Variants in KLHL29 observed in about 807,000 individuals in gnomAD.
The protein encoded by KLHL29 is kelch like family member 29.
KLHL29 carries 21 observed loss-of-function variants against 80.4 expected under a neutral mutation model. That is an observed-to-expected ratio of 0.26 (90% CI 0.19 to 0.38). The LOEUF is 0.38. Ranked by LOEUF, KLHL29 falls within the 10% of genes least tolerant of loss-of-function variation. The pLI, the probability that KLHL29 is intolerant of heterozygous loss-of-function variation, is 1.00. For missense variants in KLHL29, 867 were observed against 1,223.9 expected (o/e 0.71, Z 4.35); for synonymous variants, 511 against 526.8 (o/e 0.97, Z 0.41).
chr2:23,395,961 A>G (rs1666443667), intron 1 of KLHL29, among the ~76,000 whole-genome samples: 1 of 152,186 alleles, frequency 6.6e-6, no homozygotes, highest in Non-Finnish European at 1.5e-5. Flanking sequence ...TGGTGATGTA[A>G]ACAAAAACCC....
At chr2:23,517,355 C>T (rs1176212007) in intron 2 of KLHL29, among the ~76,000 whole-genome samples, 2 of 152,130 alleles carry the variant, frequency 1.3e-5, no homozygotes, top group African/African-American at 4.8e-5. Context: ...CCATCCTGGC[C>T]AACATGGTGA....
intron 3 of KLHL29, among the ~76,000 whole-genome samples, chr2:23,604,591 C>T (rs1332943360): frequency 6.6e-6 from 1 of 152,186 alleles, no homozygotes; most frequent in Non-Finnish European, 1.5e-5. Flanking sequence ...GCTTTTCCTT[C>T]TGGTTCTGAC....
intron 2 of KLHL29, among the ~76,000 whole-genome samples, chr2:23,537,079 C>T (rs757374517): frequency 5.9e-5 from 9 of 152,254 alleles, no homozygotes; most frequent in Admixed American, 3.3e-4. Context: ...TCTGGTCCCA[C>T]GCCACCTTGC....
rs779827385 is a variant in KLHL29 at position 23,642,764 on chromosome 2, C to T, written c.854C>T (p.Pro285Leu). ...PSGAPATNGP[P>L]TTDSAHGLQM... ...GGTGCCCCTGCCACCAATGGGCCCC[C>T]CACAACCGACTCGGCCCACGGGCTG... Residue 285 changes from proline to leucine, a missense_variant, in exon 5 of 14, where the codon CCC becomes CTC. This residue lies in a region of KLHL29 where 424 missense variants were observed against 456.9 expected (regional missense o/e 0.93). Coordinates refer to ENST00000486442, the MANE Select transcript of KLHL29 (RefSeq NM_052920.2). 2 of 1,550,404 alleles carry T rather than the reference C, an allele frequency of 1.3e-6. No individual in the cohort carries two copies. The highest frequency in any genetic ancestry group is 1.7e-4 in the Middle Eastern group (1 of 5,992).
At chr2:23,422,610 G>T (rs1662851365) in intron 1 of KLHL29, among the ~76,000 whole-genome samples, 1 of 151,808 alleles carries the variant, frequency 6.6e-6, no homozygotes, top group African/African-American at 2.4e-5. Context: ...TTGTGTGCCT[G>T]TGTGTGTGTC....
intron 2 of KLHL29, among the ~76,000 whole-genome samples, chr2:23,476,799 A>G (rs1198601584): frequency 6.6e-6 from 1 of 152,276 alleles, no homozygotes; most frequent in Non-Finnish European, 1.5e-5. Flanking sequence ...AAGCAGGATC[A>G]GGCAGCCAGA....
intron 3 of KLHL29, among the ~76,000 whole-genome samples, chr2:23,581,248 T>C (rs1341469560): frequency 1.3e-5 from 2 of 152,212 alleles, no homozygotes; most frequent in Non-Finnish European, 2.9e-5. Context: ...ATGTATATGA[T>C]TGGTCCTCCT....
chr2:23,553,383 C>T (rs1231179856), intron 2 of KLHL29, among the ~76,000 whole-genome samples: 1 of 152,216 alleles, frequency 6.6e-6, no homozygotes, highest in Non-Finnish European at 1.5e-5. Context: ...CCTTAGGTTC[C>T]TCATCCTAGA....
At chr2:23,637,305 C>T (rs374275142) in intron 3 of KLHL29, among the ~76,000 whole-genome samples, 2 of 152,198 alleles carry the variant, frequency 1.3e-5, no homozygotes, top group East Asian at 1.9e-4. Flanking sequence ...ACAGGGCACT[C>T]GTTAAAAGCT....
rs1671075717 is a variant in KLHL29 at position 23,681,223 on chromosome 2, A to C, written c.941-3176A>C. Among the ~76,000 whole-genome samples the C allele has an allele frequency of 6.6e-6, 1 of 152,252 alleles. No individual in the cohort carries two copies. The highest frequency in any genetic ancestry group is 1.5e-5 in the Non-Finnish European group (1 of 68,044). On this transcript the variant is annotated intron_variant, in intron 5 of 13. Coordinates refer to ENST00000486442, the MANE Select transcript of KLHL29 (RefSeq NM_052920.2). This position sits in a 1 kb window ranked among gnomAD's most constrained non-coding sequence, Gnocchi z 4.2. ...GGAATGCACTTGGGGCCTGCTGGGAATCCCCTGGTGAGCACTTTCATAAAT... is the reference window on the plus strand; with the variant it reads ...GGAATGCACTTGGGGCCTGCTGGGACTCCCCTGGTGAGCACTTTCATAAAT...
At chr2:23,619,630 T>A (rs1363271301) in intron 3 of KLHL29, among the ~76,000 whole-genome samples, 1 of 130,336 alleles carries the variant, frequency 7.7e-6, no homozygotes, top group Non-Finnish European at 1.8e-5. Flanking sequence ...CCTCCTCCCC[T>A]TTGGTGAAAA....
At chr2:23,521,807 A>G (rs1330906810) in intron 2 of KLHL29, among the ~76,000 whole-genome samples, 1 of 152,230 alleles carries the variant, frequency 6.6e-6, no homozygotes, top group African/African-American at 2.4e-5. Context: ...CCACACTCTT[A>G]AGCAGTCTGT....
At chr2:23,535,089 A>T (rs764936039) in intron 2 of KLHL29, among the ~76,000 whole-genome samples, 30 of 152,244 alleles carry the variant, frequency 2.0e-4, no homozygotes, top group Non-Finnish European at 3.1e-4. Flanking sequence ...TATGGACATT[A>T]TATCTCCATA....
At chr2:23,469,823 C>A (rs1281278622) in intron 1 of KLHL29, among the ~76,000 whole-genome samples, 1 of 152,062 alleles carries the variant, frequency 6.6e-6, no homozygotes, top group African/African-American at 2.4e-5. Context: ...TTGGTAGGTC[C>A]AGTTGGCACC....
chr2:23,386,280 A>G (rs1213649649), intron 1 of KLHL29, among the ~76,000 whole-genome samples: 2 of 152,114 alleles, frequency 1.3e-5, no homozygotes, highest in Non-Finnish European at 2.9e-5. Flanking sequence ...GCGAGAAGCC[A>G]GGTTGGGGTT....
intron 3 of KLHL29, among the ~76,000 whole-genome samples, chr2:23,631,478 A>G (rs949654475): frequency 1.3e-5 from 2 of 152,076 alleles, no homozygotes; most frequent in African/African-American, 4.8e-5. Context: ...TTAACACATC[A>G]TTGGTTAGTA....
At chr2:23,677,903 G>T (rs1670967984) in intron 5 of KLHL29, among the ~76,000 whole-genome samples, 1 of 152,082 alleles carries the variant, frequency 6.6e-6, no homozygotes. Context: ...CAATGGGATG[G>T]GAAGCATTTA....
At chr2:23,666,769 G>T (rs1572479169) in intron 5 of KLHL29, among the ~76,000 whole-genome samples, 1 of 152,380 alleles carries the variant, frequency 6.6e-6, no homozygotes, top group African/African-American at 2.4e-5. Context: ...AAGATCAAGT[G>T]CTCAGCCACA....
intron 3 of KLHL29, among the ~76,000 whole-genome samples, chr2:23,589,839 G>A (rs542218950): frequency 6.6e-6 from 1 of 151,110 alleles, no homozygotes; most frequent in East Asian, 1.9e-4. Context: ...GACCTTTAAA[G>A]GGGGTGCTAG....
Sources: allele counts gnomAD v4.1 joint callset (sites outside exome capture counted in the v4.1 genomes callset), GRCh38; gene constraint gnomAD v4.1.1; regional missense constraint gnomAD v4.1.1; non-coding constraint Gnocchi (gnomAD v3.1); transcripts MANE v1.5; gene names NCBI Gene and HGNC (gene_info 2026-07-23, HGNC 2026-07-21).